The following TOPAZ1 variants were observed in gnomAD, a reference collection of about 807,000 sequenced individuals.
TOPAZ1 encodes the protein testis and ovary specific TOPAZ 1, also known as protein TOPAZ1.
A neutral mutation model predicts 172.2 loss-of-function variants in TOPAZ1; 66 were observed. That is an observed-to-expected ratio of 0.38 (90% confidence interval 0.31 to 0.47). The LOEUF (loss-of-function observed/expected upper bound fraction) is 0.47, where lower values mean the gene tolerates loss of function less well. TOPAZ1 is among the 20% of genes least tolerant of loss of function. TOPAZ1 has a pLI of 0.99. For missense variants in TOPAZ1, 1,822 were observed against 1,972.4 expected, an observed-to-expected ratio of 0.92 and a Z score of 1.44; for synonymous variants, 681 against 683.9, an observed-to-expected ratio of 1.00 and a Z score of 0.07.
At chr3:44,318,533 GT>G (rs1238756530) in intron 16 of TOPAZ1, among the ~76,000 whole-genome samples, 1 of 151,652 alleles carries the variant, frequency 6.6e-6, no homozygotes, top group Non-Finnish European at 1.5e-5. Context: ...TAGAGAGGGG[GT>G]CAGGCTTAGT....
intron 16 of TOPAZ1, 49 bp downstream of exon 16, chr3:44,310,039 G>C: frequency 6.8e-7 from 1 of 1,480,746 alleles, no homozygotes; most frequent in South Asian, 1.3e-5. Context: ...TACTTGTCAT[G>C]CATTTTTGTC....
rs774787976 is a variant in TOPAZ1, at chr3:44,243,697, T to G, written c.1191T>G (p.Ser397Arg). The G allele has an allele frequency of 1.3e-6, 2 of 1,550,364 alleles. No individual in the cohort carries two copies. Among genetic ancestry groups the G allele is most frequent in the South Asian group, 2.4e-5 (2 of 83,784 alleles). ...TCTCTTTGATGGATCATTTATTAAG[T>G]GTCCCAGAAACAGTAGAAAAAGAAA... Reference protein sequence around the residue: ...NTVSLMDHLLSVPETVEKETS... With the variant: ...NTVSLMDHLLRVPETVEKETS... The change falls in exon 2 of 20, where the codon AGT becomes AGG. Residue 397 changes from serine (S) to arginine (R), a missense_variant. Coordinates refer to ENST00000309765, the MANE Select transcript of TOPAZ1 (RefSeq NM_001145030.2).
chr3:44,255,663 AT>A (rs1236379539), intron 3 of TOPAZ1, among the ~76,000 whole-genome samples: 1,464 of 59,872 alleles, frequency 0.024, 100 homozygotes, highest in African/African-American at 0.11. Flanking sequence ...AAAAAAAAAA[AT>A]ATATATACAC....
At chr3:44,270,595 T>A in intron 7 of TOPAZ1, 90 bp from the exon 8 acceptor site, 1 of 857,276 alleles carries the variant, frequency 1.2e-6, no homozygotes, top group Non-Finnish European at 1.6e-6. Flanking sequence ...TTGGAATATA[T>A]GTTATTTGTG....
intron 5 of TOPAZ1, among the ~76,000 whole-genome samples, chr3:44,263,137 C>T (rs894589683): frequency 2.6e-5 from 4 of 152,130 alleles, no homozygotes; most frequent in African/African-American, 9.7e-5. Flanking sequence ...AACAAGACCA[C>T]CAGCTGATTT....
At chr3:44,280,171 T>G (rs1043701243) in intron 8 of TOPAZ1, among the ~76,000 whole-genome samples, 3 of 152,152 alleles carry the variant, frequency 2.0e-5, no homozygotes, top group Admixed American at 2.0e-4. Context: ...TAGCACACTT[T>G]AGATACTTCA....
At chr3:44,269,955 A>G (rs950738348) in intron 7 of TOPAZ1, among the ~76,000 whole-genome samples, 1 of 152,100 alleles carries the variant, frequency 6.6e-6, no homozygotes, top group African/African-American at 2.4e-5. Flanking sequence ...TCCAGATATT[A>G]TATGGATTTT....
At chr3:44,307,891 A>G (rs1483061120) in intron 15 of TOPAZ1, among the ~76,000 whole-genome samples, 4 of 152,126 alleles carry the variant, frequency 2.6e-5, no homozygotes, top group African/African-American at 4.8e-5. Flanking sequence ...TGCTCTCACA[A>G]TTGAGCTTAA....
chr3:44,255,670 T>TATATAC (rs1202865847), intron 3 of TOPAZ1, among the ~76,000 whole-genome samples: 12 of 46,376 alleles, frequency 2.6e-4, no homozygotes, highest in African/African-American at 8.5e-4. Flanking sequence ...AAAATATATA[T>TATATAC]ACACACACAC....
chr3:44,280,646 C>G (rs886185415), intron 8 of TOPAZ1, among the ~76,000 whole-genome samples: 1 of 152,174 alleles, frequency 6.6e-6, no homozygotes, highest in Admixed American at 6.5e-5. Flanking sequence ...CCAGCCTGTT[C>G]TTCTTTTTCA....
intron 5 of TOPAZ1, among the ~76,000 whole-genome samples, chr3:44,262,825 C>T (rs777507213): frequency 3.3e-5 from 5 of 152,122 alleles, no homozygotes; most frequent in Non-Finnish European, 5.9e-5. Context: ...ATAGTTGCAG[C>T]GATTCATACT....
At chr3:44,323,001 G>A in intron 17 of TOPAZ1, 91 bp from the exon 18 acceptor site, 1 of 790,810 alleles carries the variant, frequency 1.3e-6, no homozygotes, top group South Asian at 2.1e-5. Context: ...AAGAAAGGGT[G>A]AAGGGGAGGA....
At chr3:44,276,624 CTTTTTTT>C (rs762865769) in intron 8 of TOPAZ1, among the ~76,000 whole-genome samples, 3 of 24,124 alleles carry the variant, frequency 1.2e-4, no homozygotes, top group South Asian at 1.0e-3. Context: ...CAGCTTTGTT[CTTTTTTT>C]TTTTTTTTTT....
At chr3:44,321,931 C>G (rs1202914822) in intron 17 of TOPAZ1, among the ~76,000 whole-genome samples, 2 of 152,090 alleles carry the variant, frequency 1.3e-5, no homozygotes, top group Non-Finnish European at 2.9e-5. Flanking sequence ...GGTAATGAAA[C>G]AAAGTAGTAA....
At chr3:44,321,352 C>G (rs1457968778) in intron 17 of TOPAZ1, among the ~76,000 whole-genome samples, 161 bp downstream of exon 17, 1 of 152,096 alleles carries the variant, frequency 6.6e-6, no homozygotes, top group Non-Finnish European at 1.5e-5. Flanking sequence ...ATTGAATATA[C>G]TTTCCTGATG....
intron 2 of TOPAZ1, among the ~76,000 whole-genome samples, chr3:44,254,044 A>G (rs1024201893): frequency 5.9e-5 from 9 of 152,214 alleles, no homozygotes; most frequent in South Asian, 2.1e-4. Flanking sequence ...TGTTGGGCCT[A>G]TGCTGTTGGC....
At chr3:44,277,207 A>T (rs1699970223) in intron 8 of TOPAZ1, among the ~76,000 whole-genome samples, 1 of 152,120 alleles carries the variant, frequency 6.6e-6, no homozygotes, top group Non-Finnish European at 1.5e-5. Flanking sequence ...CCTTGTAGAG[A>T]TCTTTTACCT....
intron 8 of TOPAZ1, among the ~76,000 whole-genome samples, chr3:44,281,467 TG>T (rs1405617720): frequency 2.2e-4 from 33 of 152,248 alleles, no homozygotes; most frequent in Admixed American, 2.2e-3. Flanking sequence ...TGAAGATCTT[TG>T]CCAAGATCAT....
intron 14 of TOPAZ1, 125 bp from the exon 15 acceptor site, chr3:44,306,201 A>G (rs1405042761): frequency 3.5e-6 from 2 of 577,006 alleles, no homozygotes; most frequent in East Asian, 2.8e-5. Flanking sequence ...AGGCTATACA[A>G]AAACGGGGCA....
Sources: gnomAD v4.1 joint callset for allele counts (sites outside exome capture counted in the v4.1 genomes callset) on GRCh38, gnomAD v4.1.1 for gene constraint, MANE v1.5 for transcripts, NCBI Gene and HGNC (gene_info 2026-07-23, HGNC 2026-07-21) for gene names.